The following CNTNAP2 variants were observed in gnomAD, a reference collection of about 807,000 sequenced individuals.
CNTNAP2 encodes the protein contactin associated protein 2.
In CNTNAP2, 98 loss-of-function variants were observed where a neutral mutation model predicts 155.2. The observed-to-expected ratio is 0.63, with a 90% CI of 0.54 to 0.75. The LOEUF is 0.75. CNTNAP2 is among the 30% of genes least tolerant of loss of function. The pLI, the probability that CNTNAP2 is intolerant of heterozygous loss-of-function variation, is 0.00. For missense variants in CNTNAP2, 1,727 were observed against 1,688.1 expected (o/e 1.02, Z -0.40); for synonymous variants, 651 against 631.2 (o/e 1.03, Z -0.47).
intron 3 of CNTNAP2, among the ~76,000 whole-genome samples, chr7:146,929,628 A>T (rs1796699714): frequency 6.6e-6 from 1 of 152,208 alleles, no homozygotes; most frequent in African/African-American, 2.4e-5. Context: ...GCTTCAGATG[A>T]TCAAACTACT....
At position 147,949,459 on chromosome 7, in the gene CNTNAP2, T is replaced by TATATA. The variant is rs1554453475; in HGVS notation, c.2256-28403_2256-28402insATATA. Among the ~76,000 whole-genome samples the TATATA allele has an allele frequency of 2.8e-3, 358 of 129,814 alleles. 2 individuals carry two copies. Among genetic ancestry groups the TATATA allele is most frequent in the African/African-American group, 8.1e-3 (267 of 33,106 alleles). The allele number at this position is 129,814 out of a possible 152,430, so 85.2% of individuals were successfully genotyped here. On this transcript the variant is annotated intron_variant, in intron 14 of 23. Transcript: ENST00000361727. ...CTGTGTGTATATATATATATATATA[T>TATATA]TTTTTTTTTTTAGGTTTATTGCAGG...
In CNTNAP2 at chr7:148,147,484, C is replaced by T. The variant is rs746563606; in HGVS notation, c.2555-7C>T. On this transcript the variant is annotated splice_polypyrimidine_tract_variant and splice_region_variant and intron_variant, in intron 16 of 23. Transcript: ENST00000361727. ...ACTCATGTTTTTCATGCTTTCTGCT[C>T]CTCCAGCTGCCACAGAAGTGTCCTT... 1 of 1,613,720 alleles carries T rather than the reference C, an allele frequency of 6.2e-7. No homozygotes were observed. Among genetic ancestry groups the T allele is most frequent in the South Asian group, 1.1e-5 (1 of 91,048 alleles).
At chr7:148,212,695 A>G (rs1026335498) in intron 18 of CNTNAP2, among the ~76,000 whole-genome samples, 6 of 152,194 alleles carry the variant, frequency 3.9e-5, no homozygotes, top group African/African-American at 1.4e-4. Flanking sequence ...CATTCAGAAG[A>G]GATGAGAGAA....
intron 15 of CNTNAP2, among the ~76,000 whole-genome samples, chr7:148,079,488 G>A (rs1415986501): frequency 1.3e-5 from 2 of 152,160 alleles, no homozygotes; most frequent in South Asian, 4.1e-4. Flanking sequence ...CAGGTAGCCG[G>A]CTTTGGAGAG....
chr7:146,569,771 T>A (rs1449252976), intron 1 of CNTNAP2, among the ~76,000 whole-genome samples: 1 of 152,146 alleles, frequency 6.6e-6, no homozygotes, highest in South Asian at 2.1e-4. Flanking sequence ...TTCAGGTAGG[T>A]AGATGGTCAA....
intron 1 of CNTNAP2, among the ~76,000 whole-genome samples, chr7:146,131,360 T>C (rs1797710655): frequency 6.6e-6 from 1 of 152,214 alleles, no homozygotes; most frequent in Admixed American, 6.5e-5. Flanking sequence ...ATATAATATT[T>C]TGATATACAG....
chr7:146,459,463 G>A (rs1796605467), intron 1 of CNTNAP2, among the ~76,000 whole-genome samples: 1 of 152,130 alleles, frequency 6.6e-6, no homozygotes, highest in African/African-American at 2.4e-5. Flanking sequence ...AGCACAAATT[G>A]CATGTAGCTC....
intron 8 of CNTNAP2, among the ~76,000 whole-genome samples, chr7:147,176,976 A>T (rs1263317369): frequency 3.6e-5 from 5 of 139,440 alleles, no homozygotes; most frequent in African/African-American, 1.1e-4. Context: ...TCTATATATA[A>T]AATTATAGAT....
intron 1 of CNTNAP2, among the ~76,000 whole-genome samples, chr7:146,462,355 C>G (rs1355417703): frequency 6.6e-6 from 1 of 152,088 alleles, no homozygotes; most frequent in Non-Finnish European, 1.5e-5. Context: ...TTTACTAGCT[C>G]TGACTCATAT....
chr7:146,761,738 C>T (rs1802104817), intron 1 of CNTNAP2, among the ~76,000 whole-genome samples: 1 of 152,020 alleles, frequency 6.6e-6, no homozygotes, highest in African/African-American at 2.4e-5. Flanking sequence ...TTTGTTCACT[C>T]CTTTCAATTG....
intron 9 of CNTNAP2, among the ~76,000 whole-genome samples, chr7:147,304,850 G>C (rs917378717): frequency 6.6e-6 from 1 of 152,152 alleles, no homozygotes; most frequent in Non-Finnish European, 1.5e-5. Context: ...GGTTCTTGAG[G>C]TTGGGAAGTC....
At chr7:147,350,426 C>T (rs547472891) in intron 9 of CNTNAP2, among the ~76,000 whole-genome samples, 4 of 151,968 alleles carry the variant, frequency 2.6e-5, no homozygotes, top group African/African-American at 7.2e-5. Flanking sequence ...TACTTTTATA[C>T]ACTTTATAGT....
chr7:147,351,391 T>TA (rs769407010), intron 9 of CNTNAP2, among the ~76,000 whole-genome samples: 48 of 151,144 alleles, frequency 3.2e-4, no homozygotes, highest in Non-Finnish European at 4.7e-4. Context: ...GCATAGTTTA[T>TA]AAAAAAAATA....
At chr7:147,998,103 C>CTTTTTTTTTTTTT (rs71188938) in intron 15 of CNTNAP2, among the ~76,000 whole-genome samples, 4 of 75,804 alleles carry the variant, frequency 5.3e-5, no homozygotes, top group African/African-American at 1.1e-4. Flanking sequence ...TTTCTTTTTT[C>CTTTTTTTTTTTTT]TTTTTTTTTT....
In CNTNAP2 at chr7:146,696,626, T is replaced by C. The variant is rs182375458; in HGVS notation, c.98-77645T>C. ...CTAAAGCAGAAACTTTTATTTATTT[T>C]AGATCTTTCTTTTCTAATACATGCA... On this transcript the variant is annotated intron_variant, in intron 1 of 23. Transcript: ENST00000361727. Among the ~76,000 whole-genome samples the C allele has an allele frequency of 1.4e-3, 210 of 152,276 alleles. 3 individuals carry two copies. The highest frequency in any genetic ancestry group is 2.3e-3 in the Non-Finnish European group (156 of 68,008).
chr7:147,132,527 G>T lies in CNTNAP2; in HGVS notation c.1348+18G>T. The T allele has an allele frequency of 1.2e-6, 2 of 1,613,174 alleles. No individual in the cohort carries two copies. Among genetic ancestry groups the T allele is most frequent in the South Asian group, 2.2e-5 (2 of 90,992 alleles). ...TTCCTCAGGTCAGTGAAACCTATTT[G>T]ACATTTGTTCCTGAAACTTATTGCA... On this transcript the variant is annotated intron_variant, in intron 8 of 23. Coordinates refer to ENST00000361727, the MANE Select transcript of CNTNAP2 (RefSeq NM_014141.6).
intron 1 of CNTNAP2, among the ~76,000 whole-genome samples, chr7:146,712,148 A>AT (rs1801094678): frequency 3.3e-5 from 4 of 121,720 alleles, no homozygotes; most frequent in African/African-American, 9.8e-5. Flanking sequence ...TATACTATAT[A>AT]GTATACATAT....
At chr7:146,744,817 CA>C (rs1272993130) in intron 1 of CNTNAP2, among the ~76,000 whole-genome samples, 1 of 151,580 alleles carries the variant, frequency 6.6e-6, no homozygotes, top group Non-Finnish European at 1.5e-5. Flanking sequence ...TGATTTTCCA[CA>C]AAAAAAACAC....
At chr7:148,047,314 A>G (rs1802792245) in intron 15 of CNTNAP2, among the ~76,000 whole-genome samples, 1 of 151,720 alleles carries the variant, frequency 6.6e-6, no homozygotes, top group African/African-American at 2.4e-5. Context: ...ATCAATACAT[A>G]ACGTTATTTT....
Sources: allele counts gnomAD v4.1 joint callset (sites outside exome capture counted in the v4.1 genomes callset), GRCh38; gene constraint gnomAD v4.1.1; transcripts MANE v1.5; gene names NCBI Gene and HGNC (gene_info 2026-07-23, HGNC 2026-07-21).